Variants in TLE3 observed in about 807,000 individuals in gnomAD.
TLE3 encodes transducin-like enhancer protein 3.
In TLE3, 14 loss-of-function variants were observed where a neutral mutation model predicts 93.0. That is an observed-to-expected ratio of 0.15 (90% CI 0.10 to 0.24). The LOEUF (loss-of-function observed/expected upper bound fraction) is 0.24. TLE3 is among the 10% of genes least tolerant of loss of function. The pLI, the probability that TLE3 is intolerant of heterozygous loss-of-function variation, is 1.00. For missense variants in TLE3, 693 were observed against 1,046.6 expected, an observed-to-expected ratio of 0.66 and a Z score of 4.66; for synonymous variants, 451 against 425.0, an observed-to-expected ratio of 1.06 and a Z score of -0.75.
intron 8 of TLE3, among the ~76,000 whole-genome samples, chr15:70,061,935 G>T (rs2056503495): frequency 6.6e-6 from 1 of 152,222 alleles, no homozygotes; most frequent in Non-Finnish European, 1.5e-5. Context: ...GCATCAGAAG[G>T]CAAGTGGAAT....
At position 70,051,576 on chromosome 15, in the gene TLE3, C is replaced by G. The variant is rs142808712; in HGVS notation, c.2126-109G>C. 3,013 of 721,110 alleles carry G rather than the reference C, an allele frequency of 4.2e-3. 18 individuals are homozygous for G. Among genetic ancestry groups the G allele is most frequent in the South Asian group, 0.015 (802 of 52,150 alleles). The allele number at this position is 721,110 out of a possible 1,614,324, so 44.7% of individuals were successfully genotyped here. A position where few individuals can be genotyped will look rare whatever the true frequency, so the allele number is the denominator to read the frequency against. On this transcript the variant is annotated intron_variant, in intron 18 of 19. Coordinates refer to ENST00000451782, the MANE Select transcript of TLE3 (RefSeq NM_001105192.3). ...ATAGAAAAGCAGTGAGAACTGCTAA[C>G]TAGTATAACTCTCCAATTTCGAGAG... is the stretch of plus-strand genomic sequence containing the variant.
At chr15:70,084,231 A>G (rs548936782) in intron 4 of TLE3, among the ~76,000 whole-genome samples, 2 of 152,354 alleles carry the variant, frequency 1.3e-5, no homozygotes, top group South Asian at 2.1e-4. Context: ...CCTCTATAAC[A>G]AGGCCTCTCA....
chr15:70,093,929 T>A (rs2058427439), intron 4 of TLE3, among the ~76,000 whole-genome samples: 1 of 152,174 alleles, frequency 6.6e-6, no homozygotes, highest in South Asian at 2.1e-4. Context: ...TCCTTCTCTG[T>A]AAAATGGGAA....
At chr15:70,069,805 G>A (rs767905312) in intron 6 of TLE3, among the ~76,000 whole-genome samples, 18 of 152,240 alleles carry the variant, frequency 1.2e-4, no homozygotes, top group Non-Finnish European at 2.5e-4. Context: ...GGGGCCAGTG[G>A]GCAAAGCCCC....
chr15:70,068,557 A>G (rs1315184192), intron 6 of TLE3, among the ~76,000 whole-genome samples: 1 of 152,248 alleles, frequency 6.6e-6, no homozygotes, highest in East Asian at 1.9e-4. Context: ...TCCACATTTT[A>G]TAGTGCAGAG....
At chr15:70,072,278 TCTTAAAA>T (rs1344470219) in intron 6 of TLE3, among the ~76,000 whole-genome samples, 3 of 152,198 alleles carry the variant, frequency 2.0e-5, no homozygotes, top group African/African-American at 7.2e-5. Context: ...TTTACTCCTT[TCTTAAAA>T]CTTAAAAAAA....
chr15:70,051,371 A>G lies in TLE3; in HGVS notation c.2202+20T>C. 6.3e-7 allele frequency: 1 copy of G among 1,594,626 alleles called. No individual in the cohort carries two copies. Among genetic ancestry groups the G allele is most frequent in the Non-Finnish European group, 8.5e-7 (1 of 1,170,088 alleles). ...AACTCTGGGTAGAACCCAGAGGAGG[A>G]CTCAGACGGTGGGCAGTACCTGGAA... On this transcript the variant is annotated intron_variant, in intron 19 of 19. Transcript: ENST00000451782.
intron 4 of TLE3, among the ~76,000 whole-genome samples, chr15:70,082,768 C>T (rs570493197): frequency 6.6e-6 from 1 of 152,182 alleles, no homozygotes; most frequent in Non-Finnish European, 1.5e-5. Context: ...GGGCACCAGC[C>T]CCTGTACCCT....
intron 4 of TLE3, among the ~76,000 whole-genome samples, chr15:70,077,526 C>A (rs186629670): frequency 1.1e-3 from 169 of 152,318 alleles, no homozygotes; most frequent in African/African-American, 3.9e-3. Flanking sequence ...CGGGAGAATT[C>A]CTTGGGCTAA....
intron 1 of TLE3, chr15:70,096,494 G>A: frequency 1.7e-6 from 2 of 1,179,826 alleles, no homozygotes; most frequent in South Asian, 1.4e-5. Context: ...CCAGTAAGGC[G>A]GGGGCGGGAG....
Position 70,054,470 on chromosome 15 carries a change from A to T in TLE3, c.1794T>A (p.Ala598=). Residue 598 remains alanine (A), a synonymous_variant, in exon 16 of 20, where the codon GCT becomes GCA. Coordinates refer to ENST00000451782, the MANE Select transcript of TLE3 (RefSeq NM_001105192.3). The part of the protein sequence containing the change: ...CFSCCSDGNI[A]VWDLHNQTLV... Reference sequence around the variant, plus strand: ...GGGTCTGGTTGTGCAGGTCCCAGACAGCAATGTTCCCATCGCTGCAGCAGG... The same window carrying T: ...GGGTCTGGTTGTGCAGGTCCCAGACTGCAATGTTCCCATCGCTGCAGCAGG... 6.2e-7 allele frequency: 1 copy of T among 1,613,968 alleles called. No homozygotes were observed. The highest frequency in any genetic ancestry group is 8.5e-7 in the Non-Finnish European group (1 of 1,179,844).
intron 2 of TLE3, chr15:70,095,888 G>A (rs892718742): frequency 1.6e-6 from 1 of 622,264 alleles, no homozygotes; most frequent in Non-Finnish European, 2.8e-6. Flanking sequence ...GGACCCTGAC[G>A]CTGGCTCCCG....
At position 70,090,894 on chromosome 15, in the gene TLE3, G is replaced by A. The variant is rs1248822485; in HGVS notation, c.234+3638C>T. On this transcript the variant is annotated intron_variant, in intron 4 of 19. Transcript: ENST00000451782. The stretch of plus-strand genomic sequence containing the variant: ...ATGGGGCACTTTGGACTTTGGTGGG[G>A]CCAGTTTTGTAGCCTTAGCCTGTTT... Among the ~76,000 whole-genome samples, 4 of 152,310 alleles carry A rather than the reference G, an allele frequency of 2.6e-5. No individual in the cohort carries two copies. The South Asian group carries it at 8.3e-4, about 32-fold the overall frequency.
intron 4 of TLE3, among the ~76,000 whole-genome samples, chr15:70,085,351 G>T (rs1029445854): frequency 6.6e-6 from 1 of 152,156 alleles, no homozygotes; most frequent in African/African-American, 2.4e-5. Flanking sequence ...GGATCACCCG[G>T]CAAGAACTTG....
chr15:70,058,914 AAGACG>A lies in TLE3; in HGVS notation c.766-104_766-100del, dbSNP rs1426163854. The A allele has an allele frequency of 1.8e-4, 253 of 1,415,400 alleles. 1 individual carries two copies. The East Asian group carries it at 6.4e-3, about 36-fold the overall frequency. 87.7% of individuals were successfully genotyped at this position (1,415,400 alleles called of 1,614,324 possible). Reference sequence around the variant, plus strand: ...GAAGAGAGAGGGCATGGGCGATGGGAAGACGAGCTTGGCTGAAAGACTGGGGGCCC... The same window carrying A: ...GAAGAGAGAGGGCATGGGCGATGGGAAGCTTGGCTGAAAGACTGGGGGCCC... On this transcript the variant is annotated intron_variant, in intron 10 of 19. Coordinates refer to ENST00000451782, the MANE Select transcript of TLE3 (RefSeq NM_001105192.3). This position sits in a 1 kb window ranked among gnomAD's most constrained non-coding sequence, Gnocchi z 4.1.
chr15:70,089,305 T>C (rs2058189996), intron 4 of TLE3, among the ~76,000 whole-genome samples: 1 of 152,164 alleles, frequency 6.6e-6, no homozygotes, highest in African/African-American at 2.4e-5. Flanking sequence ...TGCATTGCAA[T>C]TACTTCTTTA....
chr15:70,058,333 C>T lies in TLE3; in HGVS notation c.919-42G>A. Reference sequence around the variant, plus strand: ...CAGAACAAGGGAGGCCATGAGGCTTCCATTCTCCTAGGAGCCGGGCACAAC... The same window carrying T: ...CAGAACAAGGGAGGCCATGAGGCTTTCATTCTCCTAGGAGCCGGGCACAAC... On this transcript the variant is annotated intron_variant, in intron 11 of 19. Coordinates refer to ENST00000451782, the MANE Select transcript of TLE3 (RefSeq NM_001105192.3). The surrounding 1 kb of genome is among the most constrained non-coding windows in gnomAD (Gnocchi z 4.1). 1.9e-6 allele frequency: 3 copies of T among 1,556,436 alleles called. No homozygotes were observed. The highest frequency in any genetic ancestry group is 2.5e-5 in the South Asian group (2 of 81,510).
At chr15:70,070,413 T>A (rs1449996467) in intron 6 of TLE3, among the ~76,000 whole-genome samples, 1 of 152,234 alleles carries the variant, frequency 6.6e-6, no homozygotes, top group Non-Finnish European at 1.5e-5. Flanking sequence ...CGTAGTGAAG[T>A]TGTCTAAGCA....
chr15:70,088,046 C>T (rs765777216), intron 4 of TLE3, among the ~76,000 whole-genome samples: 57 of 152,262 alleles, frequency 3.7e-4, no homozygotes, highest in African/African-American at 1.1e-3. Flanking sequence ...GATTCCTTAG[C>T]GGTCATGGCC....
Sources: allele counts gnomAD v4.1 joint callset (sites outside exome capture counted in the v4.1 genomes callset), GRCh38; gene constraint gnomAD v4.1.1; non-coding constraint Gnocchi (gnomAD v3.1); transcripts MANE v1.5; gene names NCBI Gene and HGNC (gene_info 2026-07-23, HGNC 2026-07-21).